Variants in LAMA2 observed in about 807,000 individuals in gnomAD.
LAMA2 encodes laminin subunit alpha 2.
Under a neutral mutation model 364.8 loss-of-function variants are expected in LAMA2, and 269 were observed. That is an observed-to-expected ratio of 0.74 (90% confidence interval 0.67 to 0.82). The LOEUF (loss-of-function observed/expected upper bound fraction) is 0.82, where lower values mean the gene tolerates loss of function less well. Ranked by LOEUF, LAMA2 falls within the 40% of genes least tolerant of loss-of-function variation. LAMA2 has a pLI of 0.00. For missense variants in LAMA2, 3,807 were observed against 3,873.2 expected (o/e 0.98, Z 0.45); for synonymous variants, 1,379 against 1,370.6 (o/e 1.01, Z -0.14).
intron 12 of LAMA2, among the ~76,000 whole-genome samples, chr6:129,239,503 TAA>T (rs1785248436): frequency 2.0e-5 from 3 of 152,188 alleles, no homozygotes; most frequent in African/African-American, 7.2e-5. Context: ...AACCCACTGT[TAA>T]TAAACTGGCA....
chr6:129,136,046 A>G (rs1327429090), intron 4 of LAMA2, among the ~76,000 whole-genome samples: 7 of 151,646 alleles, frequency 4.6e-5, no homozygotes, highest in Admixed American at 2.6e-4. Context: ...AAAAAGTGAG[A>G]GGGAAGGGGG....
intron 1 of LAMA2, among the ~76,000 whole-genome samples, chr6:128,885,695 C>T (rs1325895241): frequency 3.3e-5 from 5 of 152,098 alleles, no homozygotes; most frequent in Non-Finnish European, 5.9e-5. Context: ...AATTCGATAC[C>T]ACTTTATTAA....
Position 129,210,003 on chromosome 6 carries a change from C to CAAAAAAA in LAMA2, c.1782+17166_1782+17172dup, listed in dbSNP as rs374127279. Among the ~76,000 whole-genome samples, 222 of 67,562 alleles carry CAAAAAAA rather than the reference C, an allele frequency of 3.3e-3. 5 individuals are homozygous for CAAAAAAA. The highest frequency in any genetic ancestry group is 6.7e-3 in the African/African-American group (139 of 20,640). 44.3% of individuals were successfully genotyped at this position (67,562 alleles called of 152,430 possible). A position where few individuals can be genotyped will look rare whatever the true frequency, so the allele number is the denominator to read the frequency against. ...CGGGCGACAGAGCGAGACTCCATCT[C>CAAAAAAA]AAAAAAAAAAAAAAAAAAAAAATTT... On this transcript the variant is annotated intron_variant, in intron 12 of 64. Coordinates refer to ENST00000421865, the MANE Select transcript of LAMA2 (RefSeq NM_000426.4).
chr6:129,271,716 A>G (rs1787954851), intron 17 of LAMA2, among the ~76,000 whole-genome samples: 1 of 152,102 alleles, frequency 6.6e-6, no homozygotes, highest in South Asian at 2.1e-4. Flanking sequence ...TTAGTGCTTA[A>G]TAAGGTTCAT....
At chr6:129,204,921 G>GA (rs1782524193) in intron 12 of LAMA2, among the ~76,000 whole-genome samples, 2 of 152,156 alleles carry the variant, frequency 1.3e-5, no homozygotes, top group Admixed American at 6.5e-5. Context: ...TTAAATGTAT[G>GA]AAACGGTACT....
At chr6:129,048,498 TTCCTTCCTTCC>T (rs1787729282) in intron 1 of LAMA2, among the ~76,000 whole-genome samples, 15 of 32,412 alleles carry the variant, frequency 4.6e-4, no homozygotes, top group South Asian at 1.3e-3. Context: ...CTTTCTTTCC[TTCCTTCCTTCC>T]TTCCTTCCTT....
At chr6:129,329,864 G>A (rs2114536606) in intron 29 of LAMA2, among the ~76,000 whole-genome samples, 1 of 152,276 alleles carries the variant, frequency 6.6e-6, no homozygotes, top group South Asian at 2.1e-4. Context: ...AGGCAAAGGA[G>A]CAAGCGCAGC....
At chr6:129,113,540 A>AC (rs1195019453) in intron 4 of LAMA2, among the ~76,000 whole-genome samples, 1 of 151,958 alleles carries the variant, frequency 6.6e-6, no homozygotes, top group East Asian at 1.9e-4. Flanking sequence ...GCCATGACAT[A>AC]CCCTCTACTA....
chr6:129,386,758 A>G (rs984683966), intron 35 of LAMA2, among the ~76,000 whole-genome samples: 4 of 152,158 alleles, frequency 2.6e-5, no homozygotes, highest in African/African-American at 9.7e-5. Flanking sequence ...CAAAACCCAT[A>G]TCTAAAATTT....
intron 1 of LAMA2, among the ~76,000 whole-genome samples, chr6:128,917,784 A>G (rs1778436150): frequency 7.5e-6 from 1 of 132,762 alleles, no homozygotes; most frequent in South Asian, 2.3e-4. Context: ...CCCAGGCTGA[A>G]GTGCAGTGGC....
chr6:129,235,860 G>A (rs2115141719), intron 12 of LAMA2, among the ~76,000 whole-genome samples: 1 of 152,218 alleles, frequency 6.6e-6, no homozygotes, highest in Admixed American at 6.5e-5. Context: ...TATGTGTGAT[G>A]AAATGTGCAG....
chr6:128,985,556 C>T (rs1783172604), intron 1 of LAMA2, among the ~76,000 whole-genome samples: 1 of 152,066 alleles, frequency 6.6e-6, no homozygotes. Context: ...TGACATTGAT[C>T]TTCCAATGCC....
At chr6:129,306,313 C>CTTTTTTTTTTTTT (rs11315443) in intron 22 of LAMA2, among the ~76,000 whole-genome samples, 3 of 70,388 alleles carry the variant, frequency 4.3e-5, no homozygotes, top group African/African-American at 1.1e-4. Context: ...TAATTTTTTC[C>CTTTTTTTTTTTTT]TTTTTTTTTT....
At chr6:129,285,140 T>TA (rs1789011271) in intron 18 of LAMA2, among the ~76,000 whole-genome samples, 1 of 152,184 alleles carries the variant, frequency 6.6e-6, no homozygotes, top group African/African-American at 2.4e-5. Context: ...ACACTATTTT[T>TA]ATTAATAAAA....
intron 37 of LAMA2, among the ~76,000 whole-genome samples, chr6:129,398,590 T>C (rs545421289): frequency 6.8e-6 from 1 of 146,748 alleles, no homozygotes; most frequent in South Asian, 2.3e-4. Flanking sequence ...TTCTCCTGCC[T>C]CAGCCTCCCA....
intron 12 of LAMA2, among the ~76,000 whole-genome samples, chr6:129,210,634 T>G (rs1237283013): frequency 1.3e-5 from 2 of 152,176 alleles, no homozygotes; most frequent in African/African-American, 4.8e-5. Context: ...GTTTCGCTGT[T>G]TGAGCTCTGC....
At chr6:128,930,633 G>A (rs570953242) in intron 1 of LAMA2, among the ~76,000 whole-genome samples, 20 of 152,164 alleles carry the variant, frequency 1.3e-4, no homozygotes, top group Non-Finnish European at 2.5e-4. Context: ...TTAATCCACA[G>A]AGACTTTGGA....
At chr6:129,238,946 T>A (rs1007269417) in intron 12 of LAMA2, among the ~76,000 whole-genome samples, 2 of 152,174 alleles carry the variant, frequency 1.3e-5, no homozygotes, top group African/African-American at 4.8e-5. Flanking sequence ...CCAGATGTTT[T>A]TGTTTTCAAA....
chr6:129,225,864 G>A (rs978507450), intron 12 of LAMA2, among the ~76,000 whole-genome samples: 1 of 152,196 alleles, frequency 6.6e-6, no homozygotes, highest in African/African-American at 2.4e-5. Flanking sequence ...TTGGTGCAGA[G>A]CTGAGTTCAA....
Sources: gnomAD v4.1 joint callset for allele counts (sites outside exome capture counted in the v4.1 genomes callset) on GRCh38, gnomAD v4.1.1 for gene constraint, MANE v1.5 for transcripts, NCBI Gene and HGNC (gene_info 2026-07-23, HGNC 2026-07-21) for gene names.